TOM1: variants seen among roughly 807,000 people sequenced by gnomAD.
TOM1 encodes target of Myb protein 1.
A neutral mutation model predicts 61.3 loss-of-function variants in TOM1; 38 were observed. The observed-to-expected ratio is 0.62, with a 90% CI of 0.48 to 0.81. TOM1 has a LOEUF of 0.81. Among genes scored for constraint, TOM1 ranks in the 40% least tolerant of loss-of-function variants. The pLI is 0.00. For missense variants in TOM1, 591 were observed against 659.6 expected, an observed-to-expected ratio of 0.90 and a Z score of 1.14; for synonymous variants, 270 against 268.8, an observed-to-expected ratio of 1.00 and a Z score of -0.04.
At chr22:35,321,202 ATTATGCCTCCAGGTTAT>A (rs1355686491) in intron 2 of TOM1, among the ~76,000 whole-genome samples, 1 of 152,028 alleles carries the variant, frequency 6.6e-6, no homozygotes, top group Non-Finnish European at 1.5e-5. Flanking sequence ...TAATGAAAAC[ATTATGCCTCCAGGTTAT>A]TTGTTCTTAA....
chr22:35,333,066 G>GAGTGCC (rs755931626), intron 9 of TOM1, 52 bp downstream of exon 9: 1 of 1,591,124 alleles, frequency 6.3e-7, no homozygotes, highest in South Asian at 1.1e-5. Context: ...TGGGAAGAAG[G>GAGTGCC]AGTGCCATTC....
At chr22:35,303,668 TTG>T (rs1376008797) in intron 1 of TOM1, among the ~76,000 whole-genome samples, 1 of 151,970 alleles carries the variant, frequency 6.6e-6, no homozygotes, top group African/African-American at 2.4e-5. Context: ...CGGCTAATTT[TTG>T]TATTTTTAGT....
chr22:35,327,848 G>A (rs892071787), intron 7 of TOM1, among the ~76,000 whole-genome samples: 5 of 152,156 alleles, frequency 3.3e-5, no homozygotes, highest in African/African-American at 4.8e-5. Context: ...ATCTTGGGGA[G>A]CCAAGGCAGG....
chr22:35,339,951 G>A (rs1929739446), intron 12 of TOM1, among the ~76,000 whole-genome samples: 4 of 151,940 alleles, frequency 2.6e-5, no homozygotes, highest in Non-Finnish European at 5.9e-5. Context: ...AGAAATGCGA[G>A]GGTGCTCTTT....
At chr22:35,332,872 T>C in intron 8 of TOM1, 109 bp from the exon 9 acceptor site, 1 of 1,112,548 alleles carries the variant, frequency 9.0e-7, no homozygotes, top group Non-Finnish European at 1.4e-6. Flanking sequence ...ACCCTGATCA[T>C]AACCCACCGT....
At position 35,334,386 on chromosome 22, in the gene TOM1, G is replaced by A; in HGVS notation, c.1086G>A (p.Leu362=). ...GLQSLEASGR[L]EDEFDMFALT... is the part of the protein sequence containing the mutation. ...AGTCTCTGGAGGCCTCTGGTCGACT[G>A]GAAGATGAGTTTGACATGTTTGCGC... Residue 362 remains leucine, a synonymous_variant, in exon 11 of 15, where the codon CTG becomes CTA. Coordinates refer to ENST00000449058, the MANE Select transcript of TOM1 (RefSeq NM_005488.3). The A allele has an allele frequency of 6.2e-7, 1 of 1,614,168 alleles. No homozygotes were observed. Among genetic ancestry groups the A allele is most frequent in the Non-Finnish European group, 8.5e-7 (1 of 1,180,004 alleles).
intron 12 of TOM1, chr22:35,345,330 CT>C (rs1930414968): frequency 4.0e-6 from 1 of 249,178 alleles, no homozygotes; most frequent in Admixed American, 4.6e-5. Context: ...TGCCTGGGGT[CT>C]GACCCTGGGC....
chr22:35,314,796 C>T (rs923528940), intron 1 of TOM1, among the ~76,000 whole-genome samples: 3 of 152,234 alleles, frequency 2.0e-5, no homozygotes, highest in Non-Finnish European at 2.9e-5. Flanking sequence ...GCCTCAGGCA[C>T]CTGCGCCACA....
At chr22:35,336,942 C>CT (rs138791) in intron 11 of TOM1, 81 of 131,092 alleles carry the variant, frequency 6.2e-4, no homozygotes, top group South Asian at 1.5e-3. Flanking sequence ...GCAGATAGTT[C>CT]TTTTTTTTTT....
intron 12 of TOM1, among the ~76,000 whole-genome samples, chr22:35,343,578 T>G (rs1055661726): frequency 1.3e-5 from 1 of 77,954 alleles, no homozygotes; most frequent in African/African-American, 5.2e-5. Context: ...ACACCTACAC[T>G]CATACACCTA....
intron 12 of TOM1, chr22:35,344,810 C>T (rs1453386983): frequency 2.0e-5 from 3 of 152,320 alleles, no homozygotes; most frequent in Non-Finnish European, 4.4e-5. Flanking sequence ...TTGAGCATCT[C>T]CTCCATGCCA....
intron 6 of TOM1, among the ~76,000 whole-genome samples, chr22:35,326,465 G>C (rs1297743349): frequency 1.3e-5 from 2 of 152,168 alleles, no homozygotes; most frequent in East Asian, 1.9e-4. Context: ...GGAACCCTTT[G>C]ACCATTGAAA....
chr22:35,305,521 G>A (rs768889913), intron 1 of TOM1, among the ~76,000 whole-genome samples: 44 of 152,100 alleles, frequency 2.9e-4, no homozygotes, highest in Non-Finnish European at 5.4e-4. Flanking sequence ...TTAGCTGGAC[G>A]TGGTGGCACA....
intron 1 of TOM1, among the ~76,000 whole-genome samples, chr22:35,310,301 T>A (rs755344935): frequency 2.0e-5 from 3 of 152,156 alleles, no homozygotes; most frequent in Admixed American, 2.0e-4. Flanking sequence ...ACGCCTGTAA[T>A]CCCAGCACTT....
chr22:35,332,902 G>T, intron 8 of TOM1, 79 bp from the exon 9 acceptor site: 1 of 1,458,878 alleles, frequency 6.9e-7, no homozygotes, highest in Non-Finnish European at 9.6e-7. Context: ...GAGACCCACA[G>T]TTTGAAAAGC....
At chr22:35,309,127 A>C (rs376495359) in intron 1 of TOM1, among the ~76,000 whole-genome samples, 8 of 152,216 alleles carry the variant, frequency 5.3e-5, no homozygotes, top group Non-Finnish European at 8.8e-5. Context: ...ATGTTTGTAG[A>C]GGATAGCATT....
chr22:35,327,631 TAAC>T (rs1424453142), intron 7 of TOM1, among the ~76,000 whole-genome samples: 1 of 152,254 alleles, frequency 6.6e-6, no homozygotes, highest in Non-Finnish European at 1.5e-5. Flanking sequence ...AAGATTGCTC[TAAC>T]AATAGCCTTC....
chr22:35,323,705 C>G lies in TOM1; in HGVS notation c.502-63C>G. On this transcript the variant is annotated intron_variant, in intron 5 of 14. Transcript: ENST00000449058. This position sits in a 1 kb window ranked among gnomAD's most constrained non-coding sequence, Gnocchi z 4.2. ...CCCCAGAGACATCACCAGGCTGGCCCCTGACTTCCTGGGCTCTTGATGTTC... is the reference window on the plus strand; with the variant it reads ...CCCCAGAGACATCACCAGGCTGGCCGCTGACTTCCTGGGCTCTTGATGTTC... 6.2e-7 allele frequency: 1 copy of G among 1,606,510 alleles called. No homozygotes were observed. The highest frequency in any genetic ancestry group is 8.5e-7 in the Non-Finnish European group (1 of 1,174,596).
intron 6 of TOM1, among the ~76,000 whole-genome samples, chr22:35,326,794 C>T (rs1928354982): frequency 6.6e-6 from 1 of 151,138 alleles, no homozygotes; most frequent in Admixed American, 6.6e-5. Flanking sequence ...AGGGTGGGAT[C>T]CCAGTCCTCT....
Sources: gnomAD v4.1 joint callset for allele counts (sites outside exome capture counted in the v4.1 genomes callset) on GRCh38, gnomAD v4.1.1 for gene constraint, Gnocchi (gnomAD v3.1) non-coding constraint, MANE v1.5 for transcripts, NCBI Gene and HGNC (gene_info 2026-07-23, HGNC 2026-07-21) for gene names.